CSMD1: variants seen among roughly 807,000 people sequenced by gnomAD.
CSMD1 encodes CUB and sushi domain-containing protein 1.
In CSMD1, 213 loss-of-function variants were observed where a neutral mutation model predicts 417.5. The ratio of observed to expected loss-of-function variants is 0.51; its 90% CI spans 0.46 to 0.57. The LOEUF (loss-of-function observed/expected upper bound fraction) is 0.57. Among genes scored for constraint, CSMD1 ranks in the 20% least tolerant of loss-of-function variants. The probability of loss-of-function intolerance (pLI) is 0.00; values close to 1 mark genes in which losing one functional copy is unlikely to be tolerated. For missense variants in CSMD1, 6,923 were observed against 4,529.7 expected, an observed-to-expected ratio of 1.53 and a Z score of -15.17; for synonymous variants, 2,862 against 1,736.8, an observed-to-expected ratio of 1.65 and a Z score of -16.11.
intron 5 of CSMD1, among the ~76,000 whole-genome samples, chr8:3,770,593 T>A (rs1271932914): frequency 6.6e-6 from 1 of 152,128 alleles, no homozygotes; most frequent in African/African-American, 2.4e-5. Context: ...CTGTCGCACA[T>A]GCAGAACGGC....
At chr8:3,585,036 G>A (rs747877461) in intron 9 of CSMD1, among the ~76,000 whole-genome samples, 9 of 152,244 alleles carry the variant, frequency 5.9e-5, no homozygotes, top group Non-Finnish European at 1.2e-4. Context: ...CATTTAAGAG[G>A]TGACAACTCG....
At position 3,399,506 on chromosome 8, in the gene CSMD1, C is replaced by A; in HGVS notation, c.2290G>T (p.Ala764Ser). Residue 764 changes from alanine (A) to serine (S), a missense_variant, in exon 16 of 70, where the codon GCG becomes TCG. Physicochemically the swap from Ala to Ser is moderately conservative, Grantham distance 99. Transcript: ENST00000635120. ...GGAGGCAAAATGACTCCGCTGGACG[C>A]TGTCAGATGTCCACCACATGGAGCT... Reference protein sequence around the residue: ...CEAPCGGHLTASSGVILPPGW... With the variant: ...CEAPCGGHLTSSSGVILPPGW... 3 of 1,601,076 alleles carry A rather than the reference C, an allele frequency of 1.9e-6. No homozygotes were observed. Among genetic ancestry groups the A allele is most frequent in the Non-Finnish European group, 2.6e-6 (3 of 1,174,290 alleles).
At chr8:4,724,763 A>T (rs998134254) in intron 1 of CSMD1, among the ~76,000 whole-genome samples, 2 of 152,232 alleles carry the variant, frequency 1.3e-5, no homozygotes, top group African/African-American at 4.8e-5. Context: ...CACGTTTTTT[A>T]AAAGTTAAGA....
At chr8:3,331,340 G>C (rs1353592433) in intron 23 of CSMD1, among the ~76,000 whole-genome samples, 2 of 152,122 alleles carry the variant, frequency 1.3e-5, no homozygotes, top group African/African-American at 2.4e-5. Context: ...TGTAACCAGA[G>C]GCACTGATCA....
At chr8:4,304,694 A>G (rs1798151672) in intron 3 of CSMD1, among the ~76,000 whole-genome samples, 1 of 152,174 alleles carries the variant, frequency 6.6e-6, no homozygotes, top group Admixed American at 6.5e-5. Context: ...CAGTTTGAAG[A>G]TGATGCCCCT....
chr8:4,153,886 A>C (rs116692654), intron 3 of CSMD1, among the ~76,000 whole-genome samples: 4,876 of 152,300 alleles, frequency 0.032, 265 homozygotes, highest in African/African-American at 0.11. Context: ...GCAGCAAACT[A>C]ACATCTCAGA....
At chr8:3,409,391 G>C in intron 13 of CSMD1, 32 bp downstream of exon 13, 1 of 1,573,990 alleles carries the variant, frequency 6.4e-7, no homozygotes, top group South Asian at 1.2e-5. Context: ...TTGCAGGACA[G>C]GAGGGAGTCC....
chr8:3,926,101 ACACACACACACACACACACACACAC>A (rs1809687923), intron 5 of CSMD1, among the ~76,000 whole-genome samples: 3 of 86,858 alleles, frequency 3.5e-5, no homozygotes, highest in Non-Finnish European at 7.0e-5. Context: ...ACACACACAC[ACACACACACACACACACACACACAC>A]ACACACTTGT....
intron 1 of CSMD1, among the ~76,000 whole-genome samples, chr8:4,651,857 C>G (rs1443346673): frequency 1.3e-5 from 2 of 152,158 alleles, no homozygotes; most frequent in African/African-American, 2.4e-5. Context: ...GGACTCCTGT[C>G]TTATAAAGAA....
rs1439921019 is a variant in CSMD1 at position 4,929,278 on chromosome 8, T to C, written c.85+65054A>G. Among the ~76,000 whole-genome samples the C allele has an allele frequency of 2.0e-4, 30 of 152,222 alleles. 1 individual carries two copies. Among genetic ancestry groups the C allele is most frequent in the Admixed American group, 2.0e-3 (30 of 15,300 alleles). ...AAACCAAACCTGCAGACACCGTCGT[T>C]GTGGACTTCCAGCCTCCCGAACCAT... On this transcript the variant is annotated intron_variant, in intron 1 of 69. Coordinates refer to ENST00000635120, the MANE Select transcript of CSMD1 (RefSeq NM_033225.6).
intron 1 of CSMD1, among the ~76,000 whole-genome samples, chr8:4,949,234 T>C (rs1019478903): frequency 6.6e-6 from 1 of 152,158 alleles, no homozygotes; most frequent in African/African-American, 2.4e-5. Context: ...TTTTTAGAAT[T>C]TTTGCACCTA....
chr8:4,118,073 A>G (rs1439773028), intron 3 of CSMD1, among the ~76,000 whole-genome samples: 2 of 152,116 alleles, frequency 1.3e-5, no homozygotes, highest in African/African-American at 2.4e-5. Flanking sequence ...AACATCGGCC[A>G]TATGATTAGA....
chr8:3,486,544 T>A (rs1192885320), intron 11 of CSMD1, among the ~76,000 whole-genome samples: 1 of 152,002 alleles, frequency 6.6e-6, no homozygotes, highest in Non-Finnish European at 1.5e-5. Context: ...TCAGAGAAAA[T>A]AGCCACAGTG....
At chr8:3,532,618 C>A (rs1475612011) in intron 10 of CSMD1, among the ~76,000 whole-genome samples, 3 of 152,140 alleles carry the variant, frequency 2.0e-5, no homozygotes, top group Non-Finnish European at 4.4e-5. Context: ...TGTAGATTTA[C>A]TACGCCAAAA....
chr8:4,255,467 A>G (rs1252222657), intron 3 of CSMD1, among the ~76,000 whole-genome samples: 5 of 152,234 alleles, frequency 3.3e-5, no homozygotes, highest in Non-Finnish European at 7.3e-5. Context: ...ATGATTCTAT[A>G]AAGACTTGTT....
At chr8:4,172,396 C>A (rs1331021697) in intron 3 of CSMD1, among the ~76,000 whole-genome samples, 1 of 151,944 alleles carries the variant, frequency 6.6e-6, no homozygotes, top group Non-Finnish European at 1.5e-5. Context: ...ATCTAAATAG[C>A]CAGTGGGTCT....
intron 50 of CSMD1, among the ~76,000 whole-genome samples, chr8:3,049,931 T>C (rs7818487): frequency 0.26 from 39,151 of 151,806 alleles, 5,795 homozygotes; most frequent in East Asian, 0.36. Context: ...AAAACTACTC[T>C]CGAGAACAAC....
At chr8:3,925,409 G>A (rs1025533539) in intron 5 of CSMD1, among the ~76,000 whole-genome samples, 1 of 152,146 alleles carries the variant, frequency 6.6e-6, no homozygotes, top group South Asian at 2.1e-4. Flanking sequence ...ATAAAAGCAT[G>A]ATGAAAGAAA....
At chr8:4,239,796 G>A (rs1267206085) in intron 3 of CSMD1, among the ~76,000 whole-genome samples, 1 of 152,136 alleles carries the variant, frequency 6.6e-6, no homozygotes, top group Non-Finnish European at 1.5e-5. Context: ...CATTCTCACA[G>A]AAAAGGTCAA....
Sources: allele counts gnomAD v4.1 joint callset (sites outside exome capture counted in the v4.1 genomes callset), GRCh38; gene constraint gnomAD v4.1.1; transcripts MANE v1.5; gene names NCBI Gene and HGNC (gene_info 2026-07-23, HGNC 2026-07-21).